The following SH3RF3 variants were observed in gnomAD, a reference collection of about 807,000 sequenced individuals.
SH3RF3 encodes the protein E3 ubiquitin-protein ligase SH3RF3.
SH3RF3 carries 29 observed loss-of-function variants against 66.3 expected under a neutral mutation model. The observed-to-expected ratio is 0.44, with a 90% CI of 0.33 to 0.60. SH3RF3 has a LOEUF of 0.60. Ranked by LOEUF, SH3RF3 falls within the 20% of genes least tolerant of loss-of-function variation. The pLI, the probability that SH3RF3 is intolerant of heterozygous loss-of-function variation, is 0.04. For missense variants in SH3RF3, 1,194 were observed against 1,190.9 expected (o/e 1.00, Z -0.04); for synonymous variants, 583 against 532.0 (o/e 1.10, Z -1.32).
chr2:109,177,006 C>G (rs1351811386), intron 1 of SH3RF3, among the ~76,000 whole-genome samples: 1 of 152,114 alleles, frequency 6.6e-6, no homozygotes, highest in Non-Finnish European at 1.5e-5. Flanking sequence ...CTGGGGTGAG[C>G]AGGCTTTTCC....
At chr2:109,433,887 C>G (rs896602511) in intron 6 of SH3RF3, among the ~76,000 whole-genome samples, 2 of 152,214 alleles carry the variant, frequency 1.3e-5, no homozygotes, top group Admixed American at 6.5e-5. Context: ...GAAATGCACC[C>G]CCTCAAACCC....
intron 1 of SH3RF3, among the ~76,000 whole-genome samples, chr2:109,250,623 A>G (rs992022352): frequency 6.6e-6 from 1 of 152,076 alleles, no homozygotes; most frequent in Non-Finnish European, 1.5e-5. Context: ...TAATAGTGGT[A>G]TGTTTCCTGG....
intron 8 of SH3RF3, among the ~76,000 whole-genome samples, chr2:109,482,991 C>T (rs1384507865): frequency 5.3e-5 from 8 of 152,218 alleles, no homozygotes; most frequent in Non-Finnish European, 8.8e-5. Flanking sequence ...CACAATTTTT[C>T]TGTTTCTTTT....
At chr2:109,168,627 CA>C (rs1372707811) in intron 1 of SH3RF3, among the ~76,000 whole-genome samples, 1 of 151,900 alleles carries the variant, frequency 6.6e-6, no homozygotes, top group Non-Finnish European at 1.5e-5. Flanking sequence ...AAGAATCTTA[CA>C]AATCGATGCC....
intron 9 of SH3RF3, among the ~76,000 whole-genome samples, 197 bp from the exon 10 acceptor site, chr2:109,501,306 C>G (rs1165405164): frequency 6.6e-6 from 1 of 151,868 alleles, no homozygotes; most frequent in Non-Finnish European, 1.5e-5. Flanking sequence ...GGGGGAAATG[C>G]CTTTTAAATT....
At chr2:109,241,376 C>T (rs1157041390) in intron 1 of SH3RF3, among the ~76,000 whole-genome samples, 1 of 152,152 alleles carries the variant, frequency 6.6e-6, no homozygotes, top group Non-Finnish European at 1.5e-5. Context: ...CTGTGGGACC[C>T]TCTCCCCTTT....
intron 1 of SH3RF3, among the ~76,000 whole-genome samples, chr2:109,275,850 C>T (rs960188035): frequency 2.0e-5 from 3 of 152,142 alleles, no homozygotes; most frequent in African/African-American, 7.2e-5. Context: ...TAGGATTTTC[C>T]CTTCAAGGTC....
rs550769226 is a variant in SH3RF3 at position 109,256,984 on chromosome 2, C to T, written c.574-90690C>T. Among the ~76,000 whole-genome samples the T allele has an allele frequency of 2.0e-5, 3 of 152,326 alleles. No individual in the cohort carries two copies. The South Asian group carries it at 6.2e-4, about 32-fold the overall frequency. On this transcript the variant is annotated intron_variant, in intron 1 of 9. Coordinates refer to ENST00000309415, the MANE Select transcript of SH3RF3 (RefSeq NM_001099289.3). ...CATGCTGGAGGGAGTTATTCCGCCT[C>T]TGCTCTCAGACAGCCTGTGACCAGG... is the stretch of plus-strand genomic sequence containing the variant.
chr2:109,378,278 C>T (rs1573204490), intron 3 of SH3RF3, among the ~76,000 whole-genome samples: 1 of 152,188 alleles, frequency 6.6e-6, no homozygotes, highest in African/African-American at 2.4e-5. Flanking sequence ...TGCCTTCCCT[C>T]CTCCTTCCAA....
At chr2:109,488,875 A>T (rs1051093602) in intron 8 of SH3RF3, among the ~76,000 whole-genome samples, 1 of 152,184 alleles carries the variant, frequency 6.6e-6, no homozygotes, top group Non-Finnish European at 1.5e-5. Context: ...CAGAGGGGAG[A>T]TAGGCCGGGA....
At chr2:109,184,643 G>C (rs978471495) in intron 1 of SH3RF3, among the ~76,000 whole-genome samples, 1 of 152,170 alleles carries the variant, frequency 6.6e-6, no homozygotes, top group Non-Finnish European at 1.5e-5. Context: ...GAGTGAGCTG[G>C]TCCCACCAGA....
chr2:109,459,281 C>G (rs563225371), intron 8 of SH3RF3, among the ~76,000 whole-genome samples: 34 of 152,140 alleles, frequency 2.2e-4, no homozygotes, highest in African/African-American at 8.0e-4. Flanking sequence ...GAAATACTTA[C>G]AACAGTTACA....
intron 1 of SH3RF3, among the ~76,000 whole-genome samples, chr2:109,222,442 T>G (rs1679275258): frequency 6.6e-6 from 1 of 152,236 alleles, no homozygotes; most frequent in South Asian, 2.1e-4. Flanking sequence ...AAATATTATA[T>G]GTACCCCATA....
intron 3 of SH3RF3, among the ~76,000 whole-genome samples, chr2:109,395,963 G>A (rs1676132259): frequency 6.6e-6 from 1 of 152,242 alleles, no homozygotes; most frequent in South Asian, 2.1e-4. Context: ...TTGGGGAGAA[G>A]GGAATCATTT....
chr2:109,348,039 G>T (rs1682757697), intron 2 of SH3RF3, 90 bp downstream of exon 2: 1 of 1,469,934 alleles, frequency 6.8e-7, no homozygotes, highest in Non-Finnish European at 9.1e-7. Context: ...TAGCCAGACA[G>T]TCTTTCTTCA....
chr2:109,207,239 A>T (rs1678862037), intron 1 of SH3RF3, among the ~76,000 whole-genome samples: 1 of 152,144 alleles, frequency 6.6e-6, no homozygotes. Flanking sequence ...TATGAGTTAC[A>T]ATTATTATTT....
chr2:109,258,328 A>G (rs1680269619), intron 1 of SH3RF3, among the ~76,000 whole-genome samples: 1 of 152,164 alleles, frequency 6.6e-6, no homozygotes, highest in African/African-American at 2.4e-5. Context: ...TCTTGTCCCC[A>G]TTCTAAAGAG....
intron 1 of SH3RF3, among the ~76,000 whole-genome samples, chr2:109,272,604 C>T (rs893168670): frequency 2.6e-5 from 4 of 152,244 alleles, no homozygotes; most frequent in Non-Finnish European, 4.4e-5. Context: ...GACCCTGCTG[C>T]AGGCGAGTGG....
chr2:109,449,484 G>A lies in SH3RF3; in HGVS notation c.2143G>A (p.Glu715Lys). 1 of 1,613,796 alleles carries A rather than the reference G, an allele frequency of 6.2e-7. No homozygotes were observed. The highest frequency in any genetic ancestry group is 8.5e-7 in the Non-Finnish European group (1 of 1,179,786). The change falls in exon 8 of 10, where the codon GAA becomes AAA. Residue 715 changes from glutamate to lysine, a missense_variant. Glu to Lys is a moderately conservative substitution (Grantham distance 56). Transcript: ENST00000309415. The stretch of plus-strand genomic sequence containing the variant: ...ATGCAAACTAGACGAGAAGAAAAGT[G>A]AAAAGGTAAGAGGCCCATCCTGGAC... ...TGCKLDEKKS[E>K]KKEKKSGLLK...
Sources: allele counts gnomAD v4.1 joint callset (sites outside exome capture counted in the v4.1 genomes callset), GRCh38; gene constraint gnomAD v4.1.1; transcripts MANE v1.5; gene names NCBI Gene and HGNC (gene_info 2026-07-23, HGNC 2026-07-21).